Variants in ADD3 observed in about 807,000 individuals in gnomAD.
ADD3 encodes gamma-adducin.
Under a neutral mutation model 80.2 loss-of-function variants are expected in ADD3, and 25 were observed. That is an observed-to-expected ratio of 0.31 (90% confidence interval 0.23 to 0.44). The LOEUF is 0.44. ADD3 is among the 20% of genes least tolerant of loss of function. The probability of loss-of-function intolerance (pLI) is 1.00; values close to 1 mark genes in which losing one functional copy is unlikely to be tolerated. For synonymous variants in ADD3, 284 were observed against 289.6 expected (o/e 0.98, Z 0.20); for missense variants, 829 against 847.5 (o/e 0.98, Z 0.27).
intron 1 of ADD3, among the ~76,000 whole-genome samples, chr10:110,026,476 C>G (rs1031010566): frequency 1.3e-5 from 2 of 151,986 alleles, no homozygotes; most frequent in Admixed American, 1.3e-4. Context: ...GATGGGGTGT[C>G]TCCATGTTGG....
At chr10:110,021,316 TA>T (rs1448291193) in intron 1 of ADD3, among the ~76,000 whole-genome samples, 3 of 152,210 alleles carry the variant, frequency 2.0e-5, no homozygotes, top group African/African-American at 7.2e-5. Context: ...TCCTCAGAGT[TA>T]ACGTGGTTAA....
chr10:110,093,316 C>G (rs74154975), intron 1 of ADD3, among the ~76,000 whole-genome samples: 1 of 152,166 alleles, frequency 6.6e-6, no homozygotes, highest in Admixed American at 6.5e-5. Flanking sequence ...AGACCAATTT[C>G]TATTACCACT....
rs773667815 is a variant in ADD3 at position 110,076,454 on chromosome 10, A to G, written c.-29-24171A>G. On this transcript the variant is annotated intron_variant, in intron 1 of 14. Coordinates refer to ENST00000356080, the MANE Select transcript of ADD3 (RefSeq NM_016824.5). Reference sequence around the variant, plus strand: ...TTTTACATGTACATTTCAATATTCTACCAGAGCAACTCCATAAATTCAAAA... The same window carrying G: ...TTTTACATGTACATTTCAATATTCTGCCAGAGCAACTCCATAAATTCAAAA... 2.6e-4 allele frequency among the ~76,000 whole-genome samples: 40 copies of G among 152,212 alleles called. 1 individual carries two copies. Among genetic ancestry groups the G allele is most frequent in the Non-Finnish European group, 1.5e-5 (1 of 68,038 alleles).
intron 8 of ADD3, 108 bp from the exon 9 acceptor site, chr10:110,122,002 C>T: frequency 1.1e-6 from 1 of 892,392 alleles, no homozygotes; most frequent in South Asian, 2.2e-5. Flanking sequence ...GTAGCCTGAG[C>T]AAGTATTATA....
At chr10:110,091,790 A>T (rs1011526152) in intron 1 of ADD3, among the ~76,000 whole-genome samples, 1 of 152,244 alleles carries the variant, frequency 6.6e-6, no homozygotes, top group Non-Finnish European at 1.5e-5. Context: ...AAAAGAAACT[A>T]TCAACGTAGA....
intron 1 of ADD3, among the ~76,000 whole-genome samples, chr10:110,028,437 G>A (rs540995975): frequency 3.1e-4 from 47 of 152,158 alleles, no homozygotes; most frequent in African/African-American, 1.0e-3. Context: ...GGTGGCGGGC[G>A]CCTGTAATCC....
intron 1 of ADD3, among the ~76,000 whole-genome samples, chr10:110,094,256 A>G (rs1397826495): frequency 1.3e-5 from 2 of 152,118 alleles, no homozygotes; most frequent in Non-Finnish European, 1.5e-5. Flanking sequence ...GAAGGAGTAA[A>G]TTTTGATTAT....
In ADD3 at chr10:110,120,186, C is replaced by G. The variant is rs377173069; in HGVS notation, c.960+622C>G. 7.6e-3 allele frequency among the ~76,000 whole-genome samples: 1,134 copies of G among 149,600 alleles called. 15 individuals are homozygous for G. Among genetic ancestry groups the G allele is most frequent in the African/African-American group, 0.026 (1,042 of 40,438 alleles). ...TGCGCTGCACCCACCAACTCGTCAT[C>G]TAGCATTAGGTATATCTCCCAATGC... On this transcript the variant is annotated intron_variant, in intron 8 of 14. Coordinates refer to ENST00000356080, the MANE Select transcript of ADD3 (RefSeq NM_016824.5).
Position 110,113,023 on chromosome 10 carries a change from C to T in ADD3, c.334+108C>T. On this transcript the variant is annotated intron_variant, in intron 3 of 14. Coordinates refer to ENST00000356080, the MANE Select transcript of ADD3 (RefSeq NM_016824.5). ...TCGGGTTCAGTCCTTAAGTTTATAA[C>T]ATCTAATACTTAGAGTAACATAGTG... is the stretch of plus-strand genomic sequence containing the variant. 6.8e-6 allele frequency: 8 copies of T among 1,174,884 alleles called. No individual in the cohort carries two copies. The South Asian group carries it at 8.9e-5, about 13-fold the overall frequency. 72.8% of individuals were successfully genotyped at this position (1,174,884 alleles called of 1,614,324 possible).
intron 1 of ADD3, among the ~76,000 whole-genome samples, chr10:110,071,705 A>G (rs931932200): frequency 6.6e-6 from 1 of 152,212 alleles, no homozygotes; most frequent in East Asian, 1.9e-4. Context: ...GTAGAGTCAA[A>G]GCCATATTAT....
intron 1 of ADD3, among the ~76,000 whole-genome samples, chr10:109,998,364 C>T (rs1851420139): frequency 6.6e-6 from 1 of 152,154 alleles, no homozygotes; most frequent in Non-Finnish European, 1.5e-5. Context: ...CAGCAAGTCT[C>T]CAAAATATAC....
intron 1 of ADD3, among the ~76,000 whole-genome samples, chr10:110,086,673 T>C (rs2133824825): frequency 6.6e-6 from 1 of 152,278 alleles, no homozygotes; most frequent in African/African-American, 2.4e-5. Context: ...AAAGATGTGC[T>C]TGCTTCCCCT....
upstream of ADD3, among the ~76,000 whole-genome samples, chr10:110,007,462 C>T (rs925352902): frequency 6.6e-6 from 1 of 152,234 alleles, no homozygotes; most frequent in Non-Finnish European, 1.5e-5. Flanking sequence ...AAAGCGGCGG[C>T]TCAGCCTCGG....
At chr10:109,999,430 C>T (rs1266872950) in intron 1 of ADD3, among the ~76,000 whole-genome samples, 3 of 152,216 alleles carry the variant, frequency 2.0e-5, no homozygotes, top group Non-Finnish European at 4.4e-5. Flanking sequence ...TTCTGCTCTT[C>T]CCACTCACAG....
At chr10:110,111,555 C>T (rs964447475) in intron 2 of ADD3, among the ~76,000 whole-genome samples, 10 of 152,078 alleles carry the variant, frequency 6.6e-5, no homozygotes, top group Non-Finnish European at 1.5e-4. Flanking sequence ...ACTACCTCAC[C>T]CACCCCACCC....
intron 1 of ADD3, among the ~76,000 whole-genome samples, chr10:109,999,354 T>C (rs1851439507): frequency 6.6e-6 from 1 of 152,180 alleles, no homozygotes; most frequent in Admixed American, 6.5e-5. Flanking sequence ...AAAGCTCACA[T>C]GCATACGCTT....
intron 3 of ADD3, among the ~76,000 whole-genome samples, chr10:110,113,854 A>T (rs780888184): frequency 6.6e-5 from 10 of 152,226 alleles, no homozygotes; most frequent in Non-Finnish European, 1.3e-4. Flanking sequence ...AAGACATTGC[A>T]GCAATTGGAA....
chr10:110,112,653 T>G, intron 2 of ADD3, 124 bp from the exon 3 acceptor site: 1 of 1,148,012 alleles, frequency 8.7e-7, no homozygotes, highest in Non-Finnish European at 1.2e-6. Flanking sequence ...TTTATATTTG[T>G]TTTTAAATAG....
chr10:110,127,087 C>T (rs1703823313), intron 12 of ADD3, among the ~76,000 whole-genome samples: 1 of 152,164 alleles, frequency 6.6e-6, no homozygotes, highest in South Asian at 2.1e-4. Flanking sequence ...TACAGTGCTT[C>T]CCTTTTTCCC....
Sources: gnomAD v4.1 joint callset for allele counts (sites outside exome capture counted in the v4.1 genomes callset) on GRCh38, gnomAD v4.1.1 for gene constraint, MANE v1.5 for transcripts, NCBI Gene and HGNC (gene_info 2026-07-23, HGNC 2026-07-21) for gene names.